TENM3: variants seen among roughly 807,000 people sequenced by gnomAD.
The protein encoded by TENM3 is teneurin-3.
TENM3 carries 63 observed loss-of-function variants against 255.1 expected under a neutral mutation model. The ratio of observed to expected loss-of-function variants is 0.25; its 90% confidence interval spans 0.20 to 0.30. The LOEUF (loss-of-function observed/expected upper bound fraction) is 0.30, where lower values mean the gene tolerates loss of function less well. Ranked by LOEUF, TENM3 falls within the 10% of genes least tolerant of loss-of-function variation. The probability of loss-of-function intolerance (pLI) is 1.00; values close to 1 mark genes in which losing one functional copy is unlikely to be tolerated. For synonymous variants in TENM3, 1,306 were observed against 1,322.3 expected (o/e 0.99, Z 0.27); for missense variants, 2,929 against 3,461.1 (o/e 0.85, Z 3.86).
the TENM3 span, among the ~76,000 whole-genome samples, chr4:181,590,704 G>A: frequency 0.054 from 8,298 of 152,298 alleles, 308 homozygotes; most frequent in South Asian, 0.13. Context: ...CTACAGCACA[G>A]ATACTTAAGC....
At position 182,789,466 on chromosome 4, in the gene TENM3, G is replaced by GAA; in HGVS notation, c.5601+84_5601+85dup. The GAA allele has an allele frequency of 1.5e-6, 2 of 1,346,862 alleles. No individual in the cohort carries two copies. The highest frequency in any genetic ancestry group is 1.5e-5 in the African/African-American group (1 of 68,146). 83.4% of individuals were successfully genotyped at this position (1,346,862 alleles called of 1,614,324 possible). On this transcript the variant is annotated intron_variant, in intron 25 of 27. Transcript: ENST00000511685. The surrounding 1 kb of genome is among the most constrained non-coding windows in gnomAD (Gnocchi z 4.4). ...CAGCAATCATCCAGAGCACTAAGGG[G>GAA]AAAAAAAACAGTGGCACATGACTGA... is the stretch of plus-strand genomic sequence containing the variant.
chr4:181,605,009 T>C, the TENM3 span, among the ~76,000 whole-genome samples: 1 of 152,228 alleles, frequency 6.6e-6, no homozygotes, highest in South Asian at 2.1e-4. Flanking sequence ...ATTATTACTG[T>C]GGTGTAATAT....
intron 3 of TENM3, among the ~76,000 whole-genome samples, chr4:182,466,462 T>C (rs1732600038): frequency 6.6e-6 from 1 of 152,180 alleles, no homozygotes; most frequent in South Asian, 2.1e-4. Flanking sequence ...CCCAGGTAGC[T>C]GGGACTGCAG....
intron 1 of TENM3, among the ~76,000 whole-genome samples, chr4:182,304,464 G>GC (rs1762025780): frequency 6.6e-6 from 1 of 152,066 alleles, no homozygotes; most frequent in African/African-American, 2.4e-5. Context: ...CACCCGCCTC[G>GC]GCCTCCCTAA....
chr4:182,653,161 G>A (rs1372241638), intron 5 of TENM3, among the ~76,000 whole-genome samples: 17 of 152,068 alleles, frequency 1.1e-4, no homozygotes, highest in Admixed American at 1.1e-3. Context: ...AAACTCACAT[G>A]AAATTACCTG....
At chr4:181,725,508 G>A in the TENM3 span, among the ~76,000 whole-genome samples, 11 of 149,458 alleles carry the variant, frequency 7.4e-5, no homozygotes, top group Non-Finnish European at 1.3e-4. Context: ...AGGCTGGAGT[G>A]CAGTAGTGCA....
At position 182,346,932 on chromosome 4, in the gene TENM3, A is replaced by T. The variant is rs2150671639; in HGVS notation, c.511+3A>T. 6.3e-7 allele frequency: 1 copy of T among 1,582,684 alleles called. No individual in the cohort carries two copies. Among genetic ancestry groups the T allele is most frequent in the East Asian group, 2.3e-5 (1 of 42,788 alleles). On this transcript the variant is annotated splice_donor_region_variant and intron_variant, in intron 3 of 27. Transcript: ENST00000511685. Reference sequence around the variant, plus strand: ...AAACAAGTCCGACAGTGAGAATGGTAAGTTTCCTTTTTGGCTTTATAATGT... The same window carrying T: ...AAACAAGTCCGACAGTGAGAATGGTTAGTTTCCTTTTTGGCTTTATAATGT...
chr4:181,838,381 T>C, the TENM3 span, among the ~76,000 whole-genome samples: 1 of 152,194 alleles, frequency 6.6e-6, no homozygotes, highest in Admixed American at 6.5e-5. Flanking sequence ...TTCAAAAGAA[T>C]TGATGTGTTA....
chr4:182,188,809 C>T (rs2149778243), intron 1 of TENM3, among the ~76,000 whole-genome samples: 1 of 152,244 alleles, frequency 6.6e-6, no homozygotes, highest in East Asian at 1.9e-4. Flanking sequence ...AAGCATCTGG[C>T]CCTGCCCAGT....
the TENM3 span, among the ~76,000 whole-genome samples, chr4:182,015,060 A>G: frequency 6.6e-6 from 1 of 152,214 alleles, no homozygotes; most frequent in Non-Finnish European, 1.5e-5. Flanking sequence ...TTTCCTTTAT[A>G]GAGTATATCC....
At chr4:182,445,265 T>C (rs1460883564) in intron 3 of TENM3, among the ~76,000 whole-genome samples, 1 of 152,226 alleles carries the variant, frequency 6.6e-6, no homozygotes, top group Non-Finnish European at 1.5e-5. Context: ...CTCCAGTTCT[T>C]CATCTATAAA....
chr4:182,738,606 C>A, intron 18 of TENM3, 62 bp downstream of exon 18: 1 of 1,389,686 alleles, frequency 7.2e-7, no homozygotes, highest in Admixed American at 2.2e-5. Context: ...GCTAATGTTG[C>A]CCACTTTCCA....
At chr4:181,493,925 A>C in the TENM3 span, among the ~76,000 whole-genome samples, 3 of 152,156 alleles carry the variant, frequency 2.0e-5, no homozygotes, top group African/African-American at 7.2e-5. Flanking sequence ...AACCACCGCA[A>C]TAATAATATC....
At chr4:182,540,296 A>T (rs1740737229) in intron 3 of TENM3, among the ~76,000 whole-genome samples, 1 of 152,158 alleles carries the variant, frequency 6.6e-6, no homozygotes, top group Non-Finnish European at 1.5e-5. Context: ...ACCAGATAAA[A>T]ATTTCACTTA....
At chr4:182,216,245 T>C (rs2726807) in intron 1 of TENM3, among the ~76,000 whole-genome samples, 86,677 of 152,070 alleles carry the variant, frequency 0.57, 25,262 homozygotes, top group Non-Finnish European at 0.64. Context: ...ATTCCTGACG[T>C]CACATCTCCT....
intron 3 of TENM3, among the ~76,000 whole-genome samples, chr4:182,368,864 G>C (rs1440715660): frequency 6.6e-6 from 1 of 152,176 alleles, no homozygotes. Context: ...CATCAGAGAG[G>C]AGAGAGTGTC....
intron 3 of TENM3, among the ~76,000 whole-genome samples, chr4:182,448,669 T>C (rs907403593): frequency 6.7e-6 from 1 of 150,116 alleles, no homozygotes; most frequent in Non-Finnish European, 1.5e-5. Context: ...CTCGCGAGCG[T>C]GCGTGTGTGG....
intron 16 of TENM3, 119 bp downstream of exon 16, chr4:182,731,258 C>T (rs760711183): frequency 2.8e-4 from 297 of 1,052,572 alleles, no homozygotes; most frequent in Middle Eastern, 6.2e-4. Context: ...GTAATCCCAG[C>T]GCTTTGGGAG....
intron 18 of TENM3, among the ~76,000 whole-genome samples, chr4:182,741,319 A>G (rs1022342532): frequency 3.9e-5 from 6 of 152,260 alleles, no homozygotes; most frequent in African/African-American, 1.4e-4. Context: ...TGTCTAATTG[A>G]ATAAACAAAG....
Sources: gnomAD v4.1 joint callset for allele counts (sites outside exome capture counted in the v4.1 genomes callset) on GRCh38, gnomAD v4.1.1 for gene constraint, Gnocchi (gnomAD v3.1) non-coding constraint, MANE v1.5 for transcripts, NCBI Gene and HGNC (gene_info 2026-07-23, HGNC 2026-07-21) for gene names.